CSMD3: variants seen among roughly 807,000 people sequenced by gnomAD.
CSMD3 encodes the protein CUB and Sushi multiple domains 3.
Under a neutral mutation model 435.2 loss-of-function variants are expected in CSMD3, and 177 were observed. The observed-to-expected ratio is 0.41, with a 90% CI of 0.36 to 0.46. The LOEUF (loss-of-function observed/expected upper bound fraction) is 0.46. CSMD3 is among the 20% of genes least tolerant of loss of function. The pLI, the probability that CSMD3 is intolerant of heterozygous loss-of-function variation, is 0.34. For missense variants in CSMD3, 4,265 were observed against 4,504.6 expected (o/e 0.95, Z 1.52); for synonymous variants, 1,656 against 1,520.5 (o/e 1.09, Z -2.07).
chr8:112,999,199 A>T lies in CSMD3; in HGVS notation c.1030+19868T>A, dbSNP rs1295755703. Reference sequence around the variant, plus strand: ...AAGGATGAATAGCACTATGAAAAAAAAATAATGCAAGGGATGGAATTTTTT... The same window carrying T: ...AAGGATGAATAGCACTATGAAAAAATAATAATGCAAGGGATGGAATTTTTT... On this transcript the variant is annotated intron_variant, in intron 6 of 70. Transcript: ENST00000297405. Among the ~76,000 whole-genome samples, 3 of 152,010 alleles carry T rather than the reference A, an allele frequency of 2.0e-5. No homozygotes were observed. The Admixed American group carries it at 2.0e-4, about 10-fold the overall frequency.
chr8:113,185,788 T>C (rs752397470), intron 3 of CSMD3, among the ~76,000 whole-genome samples: 3 of 152,000 alleles, frequency 2.0e-5, no homozygotes, highest in Non-Finnish European at 2.9e-5. Context: ...TATATGTGTG[T>C]TGTAACAGCA....
At chr8:112,641,698 T>A (rs1455213446) in intron 20 of CSMD3, among the ~76,000 whole-genome samples, 1 of 151,590 alleles carries the variant, frequency 6.6e-6, no homozygotes, top group Non-Finnish European at 1.5e-5. Context: ...CTTAGCTGAG[T>A]GTGGTGGCAT....
At chr8:113,005,130 G>A (rs1262870257) in intron 6 of CSMD3, among the ~76,000 whole-genome samples, 2 of 151,546 alleles carry the variant, frequency 1.3e-5, no homozygotes, top group Non-Finnish European at 2.9e-5. Flanking sequence ...AGAGAGAGAG[G>A]ATGACTAAAA....
chr8:113,117,533 A>G (rs2090869303), intron 4 of CSMD3, among the ~76,000 whole-genome samples: 1 of 152,210 alleles, frequency 6.6e-6, no homozygotes, highest in African/African-American at 2.4e-5. Flanking sequence ...GTCACCACAC[A>G]GAGTACTCAC....
intron 11 of CSMD3, among the ~76,000 whole-genome samples, chr8:112,841,114 G>C (rs2080167551): frequency 6.6e-6 from 1 of 151,596 alleles, no homozygotes; most frequent in African/African-American, 2.4e-5. Flanking sequence ...TGAGGGTGAG[G>C]AACTTGAGAG....
chr8:112,617,008 T>C (rs1053266680), intron 22 of CSMD3, among the ~76,000 whole-genome samples: 3 of 152,108 alleles, frequency 2.0e-5, no homozygotes, highest in Non-Finnish European at 4.4e-5. Context: ...CCTTATTACA[T>C]AAGGAACCCC....
chr8:112,833,063 G>A (rs959154532), intron 11 of CSMD3, among the ~76,000 whole-genome samples: 20 of 152,106 alleles, frequency 1.3e-4, no homozygotes, highest in Non-Finnish European at 2.6e-4. Flanking sequence ...TTTTATTATT[G>A]CTATAAGATA....
At chr8:112,437,183 A>C (rs1814452475) in intron 32 of CSMD3, among the ~76,000 whole-genome samples, 4 of 152,078 alleles carry the variant, frequency 2.6e-5, no homozygotes, top group Admixed American at 2.0e-4. Flanking sequence ...TAAAATCAAC[A>C]GTTGAAAGCA....
Position 112,438,416 on chromosome 8 carries a change from A to G in CSMD3, c.5396-29384T>C, listed in dbSNP as rs529796195. Among the ~76,000 whole-genome samples the G allele has an allele frequency of 1.7e-4, 26 of 152,308 alleles. 1 individual carries two copies. The South Asian group carries it at 5.4e-3, about 32-fold the overall frequency. ...GAGTTCACTGTCAACTTCTCTATTT[A>G]AATGACTAAATTAATCTCATTGATG... On this transcript the variant is annotated intron_variant, in intron 32 of 70. Transcript: ENST00000297405.
intron 3 of CSMD3, among the ~76,000 whole-genome samples, chr8:113,198,737 A>C (rs2092687020): frequency 6.6e-6 from 1 of 151,236 alleles, no homozygotes; most frequent in Non-Finnish European, 1.5e-5. Flanking sequence ...AGGAAGTGTT[A>C]ATAGTAACCT....
chr8:112,251,220 T>A (rs111782826), intron 63 of CSMD3, among the ~76,000 whole-genome samples: 3 of 151,758 alleles, frequency 2.0e-5, no homozygotes, highest in African/African-American at 7.2e-5. Context: ...TTTTGCAATA[T>A]ATATTTTTAA....
At chr8:113,023,996 C>A (rs2086781699) in intron 5 of CSMD3, among the ~76,000 whole-genome samples, 1 of 152,082 alleles carries the variant, frequency 6.6e-6, no homozygotes, top group African/African-American at 2.4e-5. Context: ...AGTTACCCTA[C>A]AGTGCAATAG....
At chr8:112,767,448 C>A (rs1327896001) in intron 13 of CSMD3, among the ~76,000 whole-genome samples, 1 of 151,750 alleles carries the variant, frequency 6.6e-6, no homozygotes, top group East Asian at 1.9e-4. Flanking sequence ...GACACTGAAA[C>A]CATATGGCCT....
rs1824594185 is a variant in CSMD3 at position 112,336,674 on chromosome 8, T to C, written c.6997A>G (p.Ile2333Val). The C allele has an allele frequency of 1.2e-6, 2 of 1,611,620 alleles. No homozygotes were observed. The highest frequency in any genetic ancestry group is 1.3e-5 in the African/African-American group (1 of 74,814). Reference sequence around the variant, plus strand: ...TACCATACAGTAATGAAATCATATATTGGTTCTGTTTGAAGGACAGTAAAA... The same window carrying C: ...TACCATACAGTAATGAAATCATATACTGGTTCTGTTTGAAGGACAGTAAAA... ...INFTVLQTEPIYDFITVWDGP... is the reference protein window; with the variant it reads ...INFTVLQTEPVYDFITVWDGP... Residue 2333 changes from isoleucine to valine, a missense_variant, in exon 44 of 71, where the codon ATA becomes GTA. By Grantham distance (29) the Ile-to-Val change is conservative. Around this residue, in one of 3 missense-constraint regions of CSMD3, gnomAD observed 3,255 missense variants for 3,380.2 expected, o/e 0.96. Transcript: ENST00000297405.
chr8:112,627,279 T>TA (rs1189100318), intron 22 of CSMD3, among the ~76,000 whole-genome samples: 1 of 152,172 alleles, frequency 6.6e-6, no homozygotes, highest in Admixed American at 6.6e-5. Context: ...TTAAATTTCT[T>TA]AGACATAGCC....
At chr8:112,848,195 T>C (rs567083792) in intron 11 of CSMD3, among the ~76,000 whole-genome samples, 37 of 152,248 alleles carry the variant, frequency 2.4e-4, no homozygotes, top group Middle Eastern at 3.4e-3. Context: ...TGAAGTTTTA[T>C]CAGAACTATA....
At chr8:112,311,355 G>T (rs78545400) in intron 49 of CSMD3, among the ~76,000 whole-genome samples, 189 bp from the exon 50 acceptor site, 5,091 of 152,164 alleles carry the variant, frequency 0.033, 104 homozygotes, top group Non-Finnish European at 0.043. Context: ...CAACTTTTGG[G>T]AGACATAACT....
At chr8:112,323,318 A>C (rs1217950551) in intron 45 of CSMD3, among the ~76,000 whole-genome samples, 1 of 152,002 alleles carries the variant, frequency 6.6e-6, no homozygotes, top group Non-Finnish European at 1.5e-5. Flanking sequence ...TGATTTGTCC[A>C]ATGTCTCTCC....
intron 24 of CSMD3, among the ~76,000 whole-genome samples, chr8:112,570,884 AT>A (rs1829453592): frequency 6.6e-6 from 1 of 152,196 alleles, no homozygotes; most frequent in Non-Finnish European, 1.5e-5. Flanking sequence ...AGACTAAAAA[AT>A]ATTTATAAAT....
Sources: gnomAD v4.1 joint callset for allele counts (sites outside exome capture counted in the v4.1 genomes callset) on GRCh38, gnomAD v4.1.1 for gene constraint, gnomAD v4.1.1 regional missense constraint, MANE v1.5 for transcripts, NCBI Gene and HGNC (gene_info 2026-07-23, HGNC 2026-07-21) for gene names.